The following FGD4 variants were observed in gnomAD, a reference collection of about 807,000 sequenced individuals.
The protein encoded by FGD4 is FYVE, RhoGEF and PH domain-containing protein 4.
A neutral mutation model predicts 102.0 loss-of-function variants in FGD4; 42 were observed. The ratio of observed to expected loss-of-function variants is 0.41; its 90% CI spans 0.32 to 0.53. The LOEUF (loss-of-function observed/expected upper bound fraction) is 0.53. FGD4 is among the 20% of genes least tolerant of loss of function. The pLI is 0.21. For synonymous variants in FGD4, 380 were observed against 375.7 expected (o/e 1.01, Z -0.13); for missense variants, 902 against 1,078.2 (o/e 0.84, Z 2.29).
chr12:32,518,818 G>GA lies in FGD4; in HGVS notation c.167-45309dup, dbSNP rs60850659. Among the ~76,000 whole-genome samples, 90 of 138,584 alleles carry GA rather than the reference G, an allele frequency of 6.5e-4. 1 individual carries two copies. Among genetic ancestry groups the GA allele is most frequent in the Admixed American group, 1.8e-3 (24 of 13,690 alleles). The allele number at this position is 138,584 out of a possible 152,430, so 90.9% of individuals were successfully genotyped here. ...ATACTACATCTTTTTCTTTACAAAAGAAAAAAAAAACAAGGGCCAGGCACG... is the reference window on the plus strand; with the variant it reads ...ATACTACATCTTTTTCTTTACAAAAGAAAAAAAAAAACAAGGGCCAGGCACG... On this transcript the variant is annotated intron_variant, in intron 1 of 16. Transcript: ENST00000534526.
chr12:32,606,806 A>G (rs1948813084), intron 7 of FGD4, among the ~76,000 whole-genome samples: 3 of 152,270 alleles, frequency 2.0e-5, no homozygotes, highest in Admixed American at 6.5e-5. Context: ...TTTTGTTAAC[A>G]GTTTCTTGGA....
intron 1 of FGD4, among the ~76,000 whole-genome samples, chr12:32,448,937 G>A (rs747598108): frequency 2.6e-5 from 4 of 152,074 alleles, no homozygotes; most frequent in Admixed American, 6.5e-5. Flanking sequence ...TAAAACCTTC[G>A]TTCCACTAAG....
At chr12:32,400,088 G>A in intron 1 of FGD4, 129 bp downstream of exon 1, 8 of 1,302,730 alleles carry the variant, frequency 6.1e-6, no homozygotes, top group Non-Finnish European at 7.0e-6. Flanking sequence ...GAGGTTCATT[G>A]TGGAAGGCTG....
rs189674819 is a variant in FGD4, at chr12:32,534,389, A to G, written c.167-29748A>G. 1.8e-3 allele frequency: 2,726 copies of G among 1,491,870 alleles called. 10 individuals are homozygous for G. Among genetic ancestry groups the G allele is most frequent in the South Asian group, 6.7e-3 (522 of 77,348 alleles). The allele number at this position is 1,491,870 out of a possible 1,614,324, so 92.4% of individuals were successfully genotyped here. A position where few individuals can be genotyped will look rare whatever the true frequency, so the allele number is the denominator to read the frequency against. On this transcript the variant is annotated intron_variant, in intron 1 of 16. Coordinates refer to ENST00000534526, the MANE Select transcript of FGD4 (RefSeq NM_001370298.3). ...TCAGCCTCCCTGAAGCTTTACAGCCAGGAGTGAGATTTTATCACATGAACT... is the reference window on the plus strand; with the variant it reads ...TCAGCCTCCCTGAAGCTTTACAGCCGGGAGTGAGATTTTATCACATGAACT...
chr12:32,554,579 T>A (rs1356966158), intron 1 of FGD4, among the ~76,000 whole-genome samples: 1 of 152,086 alleles, frequency 6.6e-6, no homozygotes, highest in African/African-American at 2.4e-5. Context: ...CAGGGAAAAC[T>A]GACAATAAAC....
At chr12:32,502,149 A>C (rs1938266706) in intron 1 of FGD4, 2 of 985,286 alleles carry the variant, frequency 2.0e-6, no homozygotes, top group Non-Finnish European at 2.4e-6. Context: ...TTCACTCCCC[A>C]CCGGAATGTG....
chr12:32,611,245 G>C lies in FGD4; in HGVS notation c.1711G>C (p.Ala571Pro). 1 of 1,614,192 alleles carries C rather than the reference G, an allele frequency of 6.2e-7. No individual in the cohort carries two copies. Among genetic ancestry groups the C allele is most frequent in the Non-Finnish European group, 8.5e-7 (1 of 1,180,026 alleles). The change falls in exon 10 of 17, where the codon GCT (alanine) becomes CCT (proline). Residue 571 changes from alanine (A) to proline (P), a missense_variant. Physicochemically the swap from Ala to Pro is conservative, Grantham distance 27. Transcript: ENST00000534526. ...IKEGQILKLA[A>P]RNTSAQERYL... ...AGAAGGACAGATCCTCAAACTAGCT[G>C]CTCGGAACACTTCAGCACAAGAACG...
chr12:32,561,993 G>A (rs552764289), intron 1 of FGD4, among the ~76,000 whole-genome samples: 1 of 152,162 alleles, frequency 6.6e-6, no homozygotes, highest in Non-Finnish European at 1.5e-5. Context: ...TAGTGGGCGA[G>A]AGGGTGTGTG....
chr12:32,633,530 T>C lies in FGD4; in HGVS notation c.2173-19T>C, dbSNP rs374794548. The C allele has an allele frequency of 2.5e-6, 4 of 1,607,788 alleles. No homozygotes were observed. Among genetic ancestry groups the C allele is most frequent in the Non-Finnish European group, 3.4e-6 (4 of 1,175,380 alleles). ...ATCCTTTAAATATGATTACTGTTCA[T>C]TTTTCTTTTAAATTTAAGGTGGTTT... On this transcript the variant is annotated intron_variant, in intron 14 of 16. Coordinates refer to ENST00000534526, the MANE Select transcript of FGD4 (RefSeq NM_001370298.3).
chr12:32,450,636 C>T (rs570173933), intron 1 of FGD4, among the ~76,000 whole-genome samples: 20 of 152,292 alleles, frequency 1.3e-4, no homozygotes, highest in African/African-American at 4.6e-4. Context: ...CAAGATCTGT[C>T]TGCTAAGTAT....
intron 1 of FGD4, among the ~76,000 whole-genome samples, chr12:32,497,838 T>A (rs1338570072): frequency 6.6e-6 from 1 of 152,208 alleles, no homozygotes; most frequent in East Asian, 1.9e-4. Flanking sequence ...CGCAGATGTA[T>A]GTTATTTTAA....
At chr12:32,520,450 T>C (rs1443471012) in intron 1 of FGD4, among the ~76,000 whole-genome samples, 2 of 151,030 alleles carry the variant, frequency 1.3e-5, no homozygotes, top group Non-Finnish European at 3.0e-5. Context: ...GTTTTTTTTT[T>C]TTAGAGATGG....
chr12:32,548,095 C>T (rs1943372525), intron 1 of FGD4, among the ~76,000 whole-genome samples: 1 of 152,054 alleles, frequency 6.6e-6, no homozygotes, highest in Non-Finnish European at 1.5e-5. Flanking sequence ...TCGGTGTATC[C>T]CTTCCTGAAG....
intron 1 of FGD4, among the ~76,000 whole-genome samples, chr12:32,417,915 T>C: frequency 9.6e-6 from 1 of 104,396 alleles, no homozygotes; most frequent in East Asian, 3.0e-4. Context: ...AGGTCACATA[T>C]CTCTGTTTTT....
chr12:32,610,724 A>G (rs1260199654), intron 8 of FGD4, 52 bp from the exon 9 acceptor site: 2 of 1,528,502 alleles, frequency 1.3e-6, no homozygotes, highest in East Asian at 4.5e-5. Flanking sequence ...GCTATATAGA[A>G]GCACAGGAAG....
chr12:32,633,763 TGA>T, intron 15 of FGD4, 74 bp downstream of exon 15: 1 of 1,373,520 alleles, frequency 7.3e-7, no homozygotes, highest in Admixed American at 1.8e-5. Flanking sequence ...TCACCCAGGC[TGA>T]GGTGCAGTGG....
At chr12:32,616,211 C>T (rs569753982) in intron 10 of FGD4, among the ~76,000 whole-genome samples, 2 of 152,236 alleles carry the variant, frequency 1.3e-5, no homozygotes, top group East Asian at 1.9e-4. Flanking sequence ...CCAATTGCCT[C>T]GGCCTAATTT....
At chr12:32,524,544 A>T (rs1266141748) in intron 1 of FGD4, among the ~76,000 whole-genome samples, 2 of 151,598 alleles carry the variant, frequency 1.3e-5, no homozygotes, top group Non-Finnish European at 2.9e-5. Context: ...AAACAGAAAA[A>T]AATATGTGGC....
chr12:32,501,998 A>G, intron 1 of FGD4: 1 of 982,218 alleles, frequency 1.0e-6, no homozygotes, highest in Non-Finnish European at 1.2e-6. Context: ...AGCCCTGCGC[A>G]TGTGAGTGGC....
Sources: allele counts gnomAD v4.1 joint callset (sites outside exome capture counted in the v4.1 genomes callset), GRCh38; gene constraint gnomAD v4.1.1; transcripts MANE v1.5; gene names NCBI Gene and HGNC (gene_info 2026-07-23, HGNC 2026-07-21).